RGS7: variants seen among roughly 807,000 people sequenced by gnomAD.
RGS7 encodes regulator of G-protein signaling 7.
RGS7 carries 27 observed loss-of-function variants against 81.1 expected under a neutral mutation model. The observed-to-expected ratio is 0.33, with a 90% CI of 0.25 to 0.46. The LOEUF (loss-of-function observed/expected upper bound fraction) is 0.46. RGS7 is among the 20% of genes least tolerant of loss of function. RGS7 has a pLI of 1.00. For missense variants in RGS7, 396 were observed against 607.4 expected (o/e 0.65, Z 3.66); for synonymous variants, 208 against 207.7 (o/e 1.00, Z -0.01).
At chr1:240,931,711 CTTAA>C (rs1282917406) in intron 5 of RGS7, among the ~76,000 whole-genome samples, 1 of 152,118 alleles carries the variant, frequency 6.6e-6, no homozygotes, top group African/African-American at 2.4e-5. Flanking sequence ...GGAATAGTGT[CTTAA>C]TTGAGTGATA....
intron 2 of RGS7, among the ~76,000 whole-genome samples, chr1:241,141,120 A>C (rs1225623350): frequency 6.6e-6 from 1 of 152,188 alleles, no homozygotes; most frequent in Non-Finnish European, 1.5e-5. Context: ...CTGTCCATAC[A>C]GGCGTTTTTT....
intron 3 of RGS7, among the ~76,000 whole-genome samples, chr1:241,055,132 A>C (rs1258182969): frequency 6.6e-6 from 1 of 152,190 alleles, no homozygotes; most frequent in African/African-American, 2.4e-5. Flanking sequence ...AGATAGGAAA[A>C]ACCAACACCA....
intron 10 of RGS7, among the ~76,000 whole-genome samples, chr1:240,817,646 A>C (rs1175016446): frequency 6.6e-6 from 1 of 151,956 alleles, no homozygotes; most frequent in Non-Finnish European, 1.5e-5. Context: ...TCTGTCATTC[A>C]GGCTGGAGTG....
intron 5 of RGS7, among the ~76,000 whole-genome samples, chr1:240,932,988 A>C (rs1446000525): frequency 1.0e-3 from 133 of 132,474 alleles, no homozygotes; most frequent in African/African-American, 3.7e-3. Flanking sequence ...GGTTCACGCC[A>C]TTCTCCTGCC....
At chr1:241,010,007 G>A (rs940174473) in intron 3 of RGS7, among the ~76,000 whole-genome samples, 1 of 152,074 alleles carries the variant, frequency 6.6e-6, no homozygotes, top group Non-Finnish European at 1.5e-5. Context: ...ACACAGGGAG[G>A]GGAACATCAT....
intron 9 of RGS7, among the ~76,000 whole-genome samples, chr1:240,853,634 A>G (rs991349166): frequency 8.5e-5 from 13 of 152,116 alleles, no homozygotes; most frequent in Non-Finnish European, 2.9e-5. Flanking sequence ...GGCCGGGCGC[A>G]GTGACTCACG....
At chr1:241,340,229 A>G (rs1483939585) in intron 2 of RGS7, among the ~76,000 whole-genome samples, 1 of 152,206 alleles carries the variant, frequency 6.6e-6, no homozygotes, top group Non-Finnish European at 1.5e-5. Context: ...CTAAGATATC[A>G]GGTGAAAGGA....
intron 18 of RGS7, among the ~76,000 whole-genome samples, chr1:240,790,189 G>A (rs1236532120): frequency 3.3e-5 from 5 of 151,992 alleles, no homozygotes; most frequent in East Asian, 1.9e-4. Flanking sequence ...CCGAAATCAC[G>A]CCACTGCACT....
At chr1:240,785,621 G>A (rs943686372) in intron 18 of RGS7, among the ~76,000 whole-genome samples, 1 of 152,132 alleles carries the variant, frequency 6.6e-6, no homozygotes, top group African/African-American at 2.4e-5. Flanking sequence ...GAGATTCCAA[G>A]GTCTTGGGAA....
At chr1:240,975,358 T>G (rs4411123) in intron 4 of RGS7, among the ~76,000 whole-genome samples, 11,176 of 152,104 alleles carry the variant, frequency 0.073, 1,369 homozygotes, top group African/African-American at 0.25. Context: ...GCCAAGATCA[T>G]GCCACTTCAC....
Position 240,776,016 on chromosome 1 carries a change from GA to G in RGS7, c.*203del. On this transcript the variant is annotated 3_prime_UTR_variant, in exon 19 of 19. Coordinates refer to ENST00000440928, the MANE Select transcript of RGS7 (RefSeq NM_001364886.1). ...GGCATTGAGACGGAAGAGTCCATTG[GA>G]GATGGAATGTACACACAAAAATAAC... 1.4e-6 allele frequency: 1 copy of G among 714,174 alleles called. No homozygotes were observed. Among genetic ancestry groups the G allele is most frequent in the Non-Finnish European group, 2.6e-6 (1 of 382,146 alleles). The allele number at this position is 714,174 out of a possible 1,614,324, so 44.2% of individuals were successfully genotyped here. A position where few individuals can be genotyped will look rare whatever the true frequency, so the allele number is the denominator to read the frequency against.
intron 2 of RGS7, among the ~76,000 whole-genome samples, chr1:241,195,345 G>A (rs570635484): frequency 3.3e-5 from 5 of 152,074 alleles, no homozygotes; most frequent in East Asian, 3.9e-4. Context: ...GCATGGTGGC[G>A]GGCACCTGTA....
At chr1:241,065,365 T>C (rs185615032) in intron 3 of RGS7, among the ~76,000 whole-genome samples, 13 of 151,850 alleles carry the variant, frequency 8.6e-5, no homozygotes, top group Non-Finnish European at 1.6e-4. Context: ...TTACACTGGG[T>C]ACTCCCCAAA....
At chr1:240,870,014 C>T in intron 7 of RGS7, 41 bp downstream of exon 7, 1 of 1,520,128 alleles carries the variant, frequency 6.6e-7, no homozygotes, top group Non-Finnish European at 9.1e-7. Flanking sequence ...TACTGCTGTG[C>T]ATTCTATGAC....
In RGS7 at chr1:240,838,380, C is replaced by T. The variant is rs569645764; in HGVS notation, c.610-11208G>A. ...CACCTTGGAGGTTAGGAATTCAACA[C>T]ATGAATTTGGGGAGGACACAAATGT... On this transcript the variant is annotated intron_variant, in intron 9 of 18. Transcript: ENST00000440928. Among the ~76,000 whole-genome samples, 6 of 152,326 alleles carry T rather than the reference C, an allele frequency of 3.9e-5. No individual in the cohort carries two copies. In the South Asian group the frequency reaches 6.2e-4, roughly 16 times the overall value.
At chr1:241,320,636 A>G (rs2081152865) in intron 2 of RGS7, among the ~76,000 whole-genome samples, 1 of 152,264 alleles carries the variant, frequency 6.6e-6, no homozygotes, top group Admixed American at 6.5e-5. Flanking sequence ...TCATTCAATA[A>G]GCATTAACTG....
chr1:240,963,476 G>A (rs1208246637), intron 4 of RGS7, among the ~76,000 whole-genome samples: 1 of 152,170 alleles, frequency 6.6e-6, no homozygotes, highest in Non-Finnish European at 1.5e-5. Context: ...GTACTAAGAT[G>A]GAGGGTGATG....
At chr1:241,229,462 G>A (rs750967781) in intron 2 of RGS7, among the ~76,000 whole-genome samples, 2 of 152,202 alleles carry the variant, frequency 1.3e-5, no homozygotes, top group Non-Finnish European at 2.9e-5. Context: ...CCCTCATTTA[G>A]AGGGTAGACT....
chr1:241,045,535 T>C (rs1228902626), intron 3 of RGS7, among the ~76,000 whole-genome samples: 1 of 152,060 alleles, frequency 6.6e-6, no homozygotes, highest in Non-Finnish European at 1.5e-5. Flanking sequence ...GGCTAATTTT[T>C]GTATTTTTAG....
Sources: gnomAD v4.1 joint callset for allele counts (sites outside exome capture counted in the v4.1 genomes callset) on GRCh38, gnomAD v4.1.1 for gene constraint, MANE v1.5 for transcripts, NCBI Gene and HGNC (gene_info 2026-07-23, HGNC 2026-07-21) for gene names.